COX10: variants seen among roughly 807,000 people sequenced by gnomAD.
COX10 encodes the protein cytochrome c oxidase assembly factor heme A:farnesyltransferase COX10.
Under a neutral mutation model 37.3 loss-of-function variants are expected in COX10, and 27 were observed. The observed-to-expected ratio is 0.72, with a 90% confidence interval of 0.53 to 1.00. The LOEUF (loss-of-function observed/expected upper bound fraction) is 1.00. Ranked by LOEUF, COX10 falls within the 50% of genes least tolerant of loss-of-function variation. The pLI is 0.00. For synonymous variants in COX10, 222 were observed against 229.1 expected (o/e 0.97, Z 0.28); for missense variants, 475 against 563.2 (o/e 0.84, Z 1.59).
intron 4 of COX10, among the ~76,000 whole-genome samples, chr17:14,109,190 T>C (rs896322648): frequency 3.3e-5 from 5 of 152,164 alleles, no homozygotes; most frequent in African/African-American, 9.7e-5. Context: ...TAGAGAGTTC[T>C]TGAATACCAT....
At chr17:14,154,428 A>T (rs1904988560) in intron 4 of COX10, among the ~76,000 whole-genome samples, 1 of 152,186 alleles carries the variant, frequency 6.6e-6, no homozygotes, top group Admixed American at 6.5e-5. Flanking sequence ...TTTTTAAATT[A>T]TGTAATTCTT....
intron 2 of COX10, 127 bp downstream of exon 2, chr17:14,074,583 C>T (rs990775725): frequency 3.3e-6 from 3 of 906,742 alleles, no homozygotes; most frequent in Non-Finnish European, 5.4e-6. Flanking sequence ...ATTTAGTGTC[C>T]TTAAATTTAT....
intron 6 of COX10, among the ~76,000 whole-genome samples, chr17:14,202,490 C>T (rs918471317): frequency 6.6e-6 from 1 of 152,012 alleles, no homozygotes; most frequent in Non-Finnish European, 1.5e-5. Context: ...TATCATCAGG[C>T]AAATTAATCT....
intron 5 of COX10, among the ~76,000 whole-genome samples, chr17:14,179,471 C>CA: frequency 6.6e-6 from 1 of 152,258 alleles, no homozygotes; most frequent in South Asian, 2.1e-4. Flanking sequence ...TTATAATGCT[C>CA]AAAGTTTTAT....
chr17:14,163,427 T>G (rs1271978376), intron 5 of COX10, among the ~76,000 whole-genome samples: 1 of 151,980 alleles, frequency 6.6e-6, no homozygotes, highest in African/African-American at 2.4e-5. Context: ...GCTAATTTTT[T>G]TGTATTTTTA....
intron 5 of COX10, among the ~76,000 whole-genome samples, chr17:14,179,948 A>C (rs1905806310): frequency 6.6e-6 from 1 of 152,154 alleles, no homozygotes; most frequent in African/African-American, 2.4e-5. Context: ...TGAATGATGA[A>C]GATGGAGTTT....
chr17:14,089,628 C>A (rs1209537087), intron 3 of COX10, among the ~76,000 whole-genome samples: 1 of 152,188 alleles, frequency 6.6e-6, no homozygotes, highest in Non-Finnish European at 1.5e-5. Flanking sequence ...TGTTGCATTC[C>A]AACAGTTGTT....
chr17:14,109,674 G>A (rs1398699570), intron 4 of COX10, among the ~76,000 whole-genome samples: 1 of 152,066 alleles, frequency 6.6e-6, no homozygotes, highest in Non-Finnish European at 1.5e-5. Context: ...CAAATGAGAT[G>A]TCTTATTCCA....
intron 6 of COX10, among the ~76,000 whole-genome samples, chr17:14,195,577 T>C (rs1011716257): frequency 3.3e-5 from 5 of 152,234 alleles, no homozygotes; most frequent in African/African-American, 1.2e-4. Flanking sequence ...GAAAGGTTGA[T>C]GTCCTTATGA....
intron 5 of COX10, among the ~76,000 whole-genome samples, chr17:14,188,495 C>A (rs1906108058): frequency 6.6e-6 from 1 of 151,588 alleles, no homozygotes; most frequent in East Asian, 1.9e-4. Context: ...AAAACTATTT[C>A]TCAACCTAAT....
intron 4 of COX10, among the ~76,000 whole-genome samples, chr17:14,109,195 T>A (rs1915961921): frequency 1.3e-5 from 2 of 152,186 alleles, no homozygotes; most frequent in African/African-American, 4.8e-5. Flanking sequence ...AGTTCTTGAA[T>A]ACCATGTGGG....
chr17:14,185,688 C>CT (rs1214051643), intron 5 of COX10, among the ~76,000 whole-genome samples: 26 of 149,358 alleles, frequency 1.7e-4, no homozygotes, highest in Admixed American at 7.4e-4. Context: ...GAGTCCTTTA[C>CT]TTTTTTTTTA....
chr17:14,184,622 A>C lies in COX10; in HGVS notation c.696-7367A>C, dbSNP rs1905971549. ...TTAAAACAAAGTAGATAGTGCAGGCAAGTCAGAAGTCTAAGGATATATCCA... is the reference window on the plus strand; with the variant it reads ...TTAAAACAAAGTAGATAGTGCAGGCCAGTCAGAAGTCTAAGGATATATCCA... On this transcript the variant is annotated intron_variant, in intron 5 of 6. Transcript: ENST00000261643. 3.9e-5 allele frequency among the ~76,000 whole-genome samples: 6 copies of C among 152,352 alleles called. No individual in the cohort carries two copies. In the South Asian group the frequency reaches 1.2e-3, roughly 32 times the overall value.
chr17:14,149,880 A>G (rs912147042), intron 4 of COX10, among the ~76,000 whole-genome samples: 6 of 152,206 alleles, frequency 3.9e-5, no homozygotes, highest in Admixed American at 1.3e-4. Context: ...CCTGAGTACT[A>G]TAACAGATCA....
intron 6 of COX10, among the ~76,000 whole-genome samples, chr17:14,205,820 A>G (rs147454882): frequency 8.6e-4 from 131 of 152,232 alleles, no homozygotes; most frequent in Admixed American, 1.6e-3. Flanking sequence ...AATGGTCAAG[A>G]TTAAATGGGG....
intron 4 of COX10, among the ~76,000 whole-genome samples, chr17:14,143,606 A>G (rs1341876676): frequency 6.6e-6 from 1 of 152,080 alleles, no homozygotes; most frequent in African/African-American, 2.4e-5. Flanking sequence ...TCTCTGACCA[A>G]ATCACTTCTC....
chr17:14,191,071 G>A (rs1245725739), intron 5 of COX10, among the ~76,000 whole-genome samples: 1 of 151,962 alleles, frequency 6.6e-6, no homozygotes, highest in Non-Finnish European at 1.5e-5. Context: ...CTAGGAGAAG[G>A]CAGGCTTGAG....
intron 6 of COX10, among the ~76,000 whole-genome samples, chr17:14,201,182 A>G (rs1567613829): frequency 1.3e-5 from 2 of 152,240 alleles, no homozygotes; most frequent in African/African-American, 2.4e-5. Context: ...GAATTAGTCA[A>G]CTGAGTGCTT....
intron 4 of COX10, among the ~76,000 whole-genome samples, chr17:14,147,098 A>G (rs1389465422): frequency 3.3e-5 from 5 of 152,156 alleles, no homozygotes; most frequent in Non-Finnish European, 7.4e-5. Flanking sequence ...AGGTTCCTCA[A>G]AAAACTAACA....
Sources: allele counts gnomAD v4.1 joint callset (sites outside exome capture counted in the v4.1 genomes callset), GRCh38; gene constraint gnomAD v4.1.1; transcripts MANE v1.5; gene names NCBI Gene and HGNC (gene_info 2026-07-23, HGNC 2026-07-21).